ABCC6: variants seen among roughly 807,000 people sequenced by gnomAD.
ABCC6 encodes ATP-binding cassette sub-family C member 6.
ABCC6 carries 126 observed loss-of-function variants against 169.5 expected under a neutral mutation model. The observed-to-expected ratio is 0.74, with a 90% confidence interval of 0.64 to 0.86. The LOEUF (loss-of-function observed/expected upper bound fraction) is 0.86. Ranked by LOEUF, ABCC6 falls within the 40% of genes least tolerant of loss-of-function variation. The probability of loss-of-function intolerance (pLI) is 0.00; values close to 1 mark genes in which losing one functional copy is unlikely to be tolerated. For missense variants in ABCC6, 1,733 were observed against 1,927.2 expected (o/e 0.90, Z 1.89); for synonymous variants, 752 against 814.7 (o/e 0.92, Z 1.31).
chr16:16,194,038 G>T (rs569289719), intron 10 of ABCC6, among the ~76,000 whole-genome samples: 1 of 152,324 alleles, frequency 6.6e-6, no homozygotes, highest in South Asian at 2.1e-4. Context: ...GACAGATTGT[G>T]CACACACACG....
chr16:16,186,718 C>T (rs1238560069), intron 14 of ABCC6, among the ~76,000 whole-genome samples: 1 of 150,978 alleles, frequency 6.6e-6, no homozygotes, highest in Admixed American at 6.6e-5. Flanking sequence ...ATAATTATTT[C>T]ATTATATAGT....
Position 16,214,441 on chromosome 16 carries a change from C to G in ABCC6, c.483G>C (p.Gln161His), listed in dbSNP as rs2048775163. Reference protein sequence around the residue: ...AAQQASGAGFQSDPVRHLSTY... With the variant: ...AAQQASGAGFHSDPVRHLSTY... ...TGGACAGGTGGCGGACAGGGTCGCT[C>G]TGGAAGCCCTGTGGGAGGGAAAGCA... is the stretch of plus-strand genomic sequence containing the variant. The change falls in exon 5 of 31, where the codon CAG becomes CAC. Residue 161 changes from glutamine to histidine, a missense_variant. Transcript: ENST00000205557. The G allele has an allele frequency of 1.3e-6, 2 of 1,551,492 alleles. No homozygotes were observed. The highest frequency in any genetic ancestry group is 1.7e-6 in the Non-Finnish European group (2 of 1,146,936).
intron 14 of ABCC6, among the ~76,000 whole-genome samples, 199 bp from the exon 15 acceptor site, chr16:16,185,233 G>T (rs2047614856): frequency 6.6e-6 from 1 of 152,200 alleles, no homozygotes; most frequent in Non-Finnish European, 1.5e-5. Context: ...GTGTCCCATG[G>T]CTACATAATC....
At chr16:16,150,345 CCTG>C in intron 30 of ABCC6, 104 bp from the exon 31 acceptor site, 1 of 1,570,500 alleles carries the variant, frequency 6.4e-7, no homozygotes, top group Non-Finnish European at 8.7e-7. Context: ...CCATAGAAGT[CCTG>C]CTTTCCATGC....
At chr16:16,173,642 A>T (rs923067754) in intron 20 of ABCC6, among the ~76,000 whole-genome samples, 1 of 151,908 alleles carries the variant, frequency 6.6e-6, no homozygotes, top group Non-Finnish European at 1.5e-5. Flanking sequence ...TCTGATGCCA[A>T]TTCACAGGAT....
chr16:16,192,247 G>A (rs750037933), intron 11 of ABCC6, among the ~76,000 whole-genome samples: 32 of 152,174 alleles, frequency 2.1e-4, no homozygotes, highest in Admixed American at 1.2e-3. Context: ...TGTGGGGAAA[G>A]GCAGGGAAGG....
At chr16:16,189,038 G>C in intron 12 of ABCC6, 64 bp from the exon 13 acceptor site, 3 of 1,585,174 alleles carry the variant, frequency 1.9e-6, no homozygotes, top group Admixed American at 1.7e-5. Flanking sequence ...GGGCAGCCTG[G>C]GCAAGCTGTG....
chr16:16,216,220 C>T (rs1172652639), intron 4 of ABCC6, among the ~76,000 whole-genome samples: 1 of 152,190 alleles, frequency 6.6e-6, no homozygotes, highest in East Asian at 1.9e-4. Flanking sequence ...CTGTGTCCAG[C>T]CTCTTTTAGT....
intron 17 of ABCC6, among the ~76,000 whole-genome samples, chr16:16,180,665 A>G (rs2047437781): frequency 6.6e-6 from 1 of 151,898 alleles, no homozygotes. Flanking sequence ...TAATTTTTGT[A>G]TTTTTAGTAG....
chr16:16,181,230 C>G (rs2047458297), intron 17 of ABCC6, among the ~76,000 whole-genome samples: 1 of 151,306 alleles, frequency 6.6e-6, no homozygotes, highest in Non-Finnish European at 1.5e-5. Flanking sequence ...ATTGCTTGAA[C>G]TACTCATGAG....
intron 13 of ABCC6, 40 bp from the exon 14 acceptor site, chr16:16,187,251 C>A (rs753937625): frequency 1.3e-6 from 2 of 1,561,644 alleles, no homozygotes; most frequent in South Asian, 1.1e-5. Context: ...GCAAGAAGAG[C>A]AAAGAACTCA....
chr16:16,185,087 G>C, intron 14 of ABCC6, 53 bp from the exon 15 acceptor site: 4 of 1,520,954 alleles, frequency 2.6e-6, no homozygotes, highest in Non-Finnish European at 3.6e-6. Context: ...GCCGGCCTCT[G>C]CATCGGAGAG....
chr16:16,205,315 G>A (rs923565160), intron 7 of ABCC6, among the ~76,000 whole-genome samples: 1 of 152,168 alleles, frequency 6.6e-6, no homozygotes, highest in African/African-American at 2.4e-5. Context: ...ACAGCCGCCC[G>A]AGGTCACACA....
Position 16,178,839 on chromosome 16 carries a change from A to AAT in ABCC6, c.2373_2374insAT (p.Phe792IlefsTer20). ...CCACCAGGCCCAATGACCTGGTTGA[A>AAT]GACATGCTGGCCAACGTGGGCATCC... On this transcript the variant is annotated frameshift_variant, in exon 18 of 31. Transcript: ENST00000205557. LOFTEE classifies it high-confidence loss of function. 6.2e-7 allele frequency: 1 copy of AAT among 1,613,894 alleles called. No homozygotes were observed. The highest frequency in any genetic ancestry group is 8.5e-7 in the Non-Finnish European group (1 of 1,180,042).
Position 16,154,991 on chromosome 16 carries a change from AG to A in ABCC6, c.3922del (p.Leu1308TrpfsTer51). 3.8e-6 allele frequency: 6 copies of A among 1,569,788 alleles called. No individual in the cohort carries two copies. Among genetic ancestry groups the A allele is most frequent in the Non-Finnish European group, 5.2e-6 (6 of 1,157,814 alleles). On this transcript the variant is annotated frameshift_variant, in exon 28 of 31. Coordinates refer to ENST00000205557, the MANE Select transcript of ABCC6 (RefSeq NM_001171.6). LOFTEE classifies it high-confidence loss of function. Reference sequence around the variant, plus strand: ...CTGGAGCCGCAGCAGCCCACTGGCCAGGGAGGACTTCCCTGCCCCGGTCCTG... The same window carrying A: ...CTGGAGCCGCAGCAGCCCACTGGCCAGGAGGACTTCCCTGCCCCGGTCCTG... ...VGRTGAGKSSLASGLLRLQEA... is the reference protein window; with the variant it reads ...VGRTGAGKSSXASGLLRLQEA...
At chr16:16,220,660 C>A (rs193142842) in intron 2 of ABCC6, among the ~76,000 whole-genome samples, 1 of 152,140 alleles carries the variant, frequency 6.6e-6, no homozygotes. Flanking sequence ...CTTTGGCAGG[C>A]CAAGGCAGGC....
chr16:16,190,985 A>G (rs1319334400), intron 11 of ABCC6, among the ~76,000 whole-genome samples: 1 of 151,198 alleles, frequency 6.6e-6, no homozygotes, highest in African/African-American at 2.4e-5. Flanking sequence ...AGCATGACTC[A>G]GAGGACACTC....
intron 24 of ABCC6, among the ~76,000 whole-genome samples, chr16:16,162,527 G>A (rs1039761473): frequency 6.6e-6 from 1 of 152,214 alleles, no homozygotes; most frequent in Non-Finnish European, 1.5e-5. Flanking sequence ...ACCTATGAGT[G>A]TCTGTATTTA....
intron 17 of ABCC6, among the ~76,000 whole-genome samples, 181 bp from the exon 18 acceptor site, chr16:16,179,146 C>T (rs2047389953): frequency 6.6e-6 from 1 of 152,190 alleles, no homozygotes; most frequent in Admixed American, 6.5e-5. Flanking sequence ...ATGCCTCCAT[C>T]CTTACCCGAC....
Sources: allele counts gnomAD v4.1 joint callset (sites outside exome capture counted in the v4.1 genomes callset), GRCh38; gene constraint gnomAD v4.1.1; transcripts MANE v1.5; gene names NCBI Gene and HGNC (gene_info 2026-07-23, HGNC 2026-07-21).